The following PRDM2 variants were observed in gnomAD, a reference collection of about 807,000 sequenced individuals.
PRDM2 encodes PR/SET domain 2, also known as PR domain zinc finger protein 2.
PRDM2 carries 30 observed loss-of-function variants against 130.0 expected under a neutral mutation model. That is an observed-to-expected ratio of 0.23 (90% CI 0.17 to 0.31). The LOEUF is 0.31. PRDM2 is among the 10% of genes least tolerant of loss of function. PRDM2 has a pLI of 1.00. For synonymous variants in PRDM2, 871 were observed against 782.4 expected, an observed-to-expected ratio of 1.11 and a Z score of -1.89; for missense variants, 2,011 against 2,108.4, an observed-to-expected ratio of 0.95 and a Z score of 0.90.
In PRDM2 at chr1:13,749,440, A is replaced by T; in HGVS notation, c.464A>T (p.Glu155Val). The change falls in exon 6 of 10, where the codon GAG (glutamate) becomes GTG (valine). Residue 155 changes from glutamate to valine, a missense_variant. Transcript: ENST00000311066. ...GAGATAGCAGCTGCGATTGAGGAAG[A>T]GCGAGCCAGCGCCCGGAGCAAGCGG... ...NPEIAAAIEEERASARSKRSS... is the reference protein window; with the variant it reads ...NPEIAAAIEEVRASARSKRSS... 6.6e-7 allele frequency: 1 copy of T among 1,511,114 alleles called. No individual in the cohort carries two copies. The highest frequency in any genetic ancestry group is 8.9e-7 in the Non-Finnish European group (1 of 1,117,884). 93.6% of individuals were successfully genotyped at this position (1,511,114 alleles called of 1,614,324 possible). A position where few individuals can be genotyped will look rare whatever the true frequency, so the allele number is the denominator to read the frequency against.
Position 13,781,762 on chromosome 1 carries a change from C to A in PRDM2, c.3967C>A (p.His1323Asn). The A allele has an allele frequency of 6.2e-7, 1 of 1,614,198 alleles. No individual in the cohort carries two copies. Among genetic ancestry groups the A allele is most frequent in the East Asian group, 2.2e-5 (1 of 44,884 alleles). ...TGTGACAGCCACAAATTTCACTACA[C>A]ACAATATTCCACAGACTTTCACTAC... Reference protein sequence around the residue: ...IGVTATNFTTHNIPQTFTTAI... With the variant: ...IGVTATNFTTNNIPQTFTTAI... Residue 1323 changes from histidine (H) to asparagine (N), a missense_variant, in exon 8 of 10, where the codon CAC (histidine) becomes AAC (asparagine). His to Asn is a moderately conservative substitution (Grantham distance 68, BLOSUM62 1). Around this residue, in one of 5 missense-constraint regions of PRDM2, gnomAD observed 229 missense variants for 364.1 expected, o/e 0.63. Transcript: ENST00000311066. The surrounding 1 kb of genome is among the most constrained non-coding windows in gnomAD (Gnocchi z 6.1).
At chr1:13,768,334 T>TA (rs1644280390) in intron 6 of PRDM2, among the ~76,000 whole-genome samples, 1 of 151,768 alleles carries the variant, frequency 6.6e-6, no homozygotes. Context: ...CTGCCCACCT[T>TA]AGCCTCCCAA....
intron 6 of PRDM2, among the ~76,000 whole-genome samples, chr1:13,768,603 C>T (rs1557635528): frequency 1.3e-5 from 2 of 152,176 alleles, no homozygotes; most frequent in East Asian, 3.9e-4. Context: ...AGGCTGGTCT[C>T]GAACTCCTAA....
chr1:13,823,430 G>A lies in PRDM2; in HGVS notation c.*295G>A. On this transcript the variant is annotated 3_prime_UTR_variant, in exon 10 of 10. Coordinates refer to ENST00000311066, the MANE Select transcript of PRDM2 (RefSeq NM_001393986.1). Reference sequence around the variant, plus strand: ...GATGCAGCTCTTGGGACCGTGTTCTGCAGCCCAGCCTTCCTGTTGGGGTGG... The same window carrying A: ...GATGCAGCTCTTGGGACCGTGTTCTACAGCCCAGCCTTCCTGTTGGGGTGG... The A allele has an allele frequency of 3.7e-6, 2 of 547,868 alleles. No individual in the cohort carries two copies. The highest frequency in any genetic ancestry group is 4.9e-4 in the Middle Eastern group (1 of 2,050). The allele number at this position is 547,868 out of a possible 1,614,324, so 33.9% of individuals were successfully genotyped here. A position where few individuals can be genotyped will look rare whatever the true frequency, so the allele number is the denominator to read the frequency against.
intron 1 of PRDM2, among the ~76,000 whole-genome samples, chr1:13,709,388 A>G (rs1176417581): frequency 2.0e-5 from 3 of 152,244 alleles, no homozygotes; most frequent in Non-Finnish European, 4.4e-5. Flanking sequence ...GTAGTTTTCT[A>G]TGACAATGAA....
rs781228382 is a variant in PRDM2, at chr1:13,778,890, T to C, written c.1095T>C (p.Cys365=). 1.2e-5 allele frequency: 19 copies of C among 1,614,072 alleles called. No individual in the cohort carries two copies. In the African/African-American group the frequency reaches 1.7e-4, roughly 15 times the overall value. ...CGTTTATGTTTCCGTGTCAACATTG[T>C]GAAAGGAAGTTTACAACCAAACAGG... ...FETFMFPCQH[C]ERKFTTKQGL... The change falls in exon 8 of 10, where the codon TGT becomes TGC. Residue 365 remains cysteine (C), a synonymous_variant. Transcript: ENST00000311066.
chr1:13,757,596 AATGAAC>A (rs1172051633), intron 6 of PRDM2, among the ~76,000 whole-genome samples: 15 of 152,338 alleles, frequency 9.8e-5, no homozygotes, highest in African/African-American at 3.6e-4. Context: ...TTATATAGAC[AATGAAC>A]ATGCTTTTTA....
rs772686531 is a variant in PRDM2, at chr1:13,780,920, C to G, written c.3125C>G (p.Ser1042Cys). 5.6e-6 allele frequency: 9 copies of G among 1,613,264 alleles called. No individual in the cohort carries two copies. The highest frequency in any genetic ancestry group is 2.2e-5 in the East Asian group (1 of 44,860). Residue 1042 changes from serine (S) to cysteine (C), a missense_variant, in exon 8 of 10, where the codon TCT becomes TGT. Physicochemically the swap from Ser to Cys is moderately radical, Grantham distance 112. Coordinates refer to ENST00000311066, the MANE Select transcript of PRDM2 (RefSeq NM_001393986.1). ...SPIPPVEPLM[S>C]AASPGPPTLS... is the part of the protein sequence containing the mutation. The stretch of plus-strand genomic sequence containing the variant: ...ATTCCTCCCGTGGAGCCCCTGATGT[C>G]TGCCGCCTCACCCGGGCCTCCAACA...
At chr1:13,718,432 C>G (rs918372642) in intron 2 of PRDM2, among the ~76,000 whole-genome samples, 3 of 152,188 alleles carry the variant, frequency 2.0e-5, no homozygotes, top group Non-Finnish European at 4.4e-5. Context: ...GCAGTAGAGT[C>G]CACAGCCTGC....
chr1:13,703,019 G>GCACCAGCTATGCTGT (rs1553152366), intron 1 of PRDM2, among the ~76,000 whole-genome samples: 1 of 152,228 alleles, frequency 6.6e-6, no homozygotes, highest in Non-Finnish European at 1.5e-5. Flanking sequence ...TGTGCGCTGA[G>GCACCAGCTATGCTGT]CACCAGCTAT....
chr1:13,753,301 C>G (rs1643880830), intron 6 of PRDM2, among the ~76,000 whole-genome samples: 1 of 152,156 alleles, frequency 6.6e-6, no homozygotes, highest in African/African-American at 2.4e-5. Context: ...GAACAAGTTC[C>G]TTAAGGTCAG....
At chr1:13,791,325 A>G (rs1439116605) in intron 8 of PRDM2, among the ~76,000 whole-genome samples, 1 of 151,990 alleles carries the variant, frequency 6.6e-6, no homozygotes, top group South Asian at 2.1e-4. Flanking sequence ...ATAAACTTCT[A>G]CCCCCATCAC....
intron 2 of PRDM2, among the ~76,000 whole-genome samples, chr1:13,719,433 A>C (rs913861485): frequency 6.6e-6 from 1 of 152,176 alleles, no homozygotes; most frequent in South Asian, 2.1e-4. Context: ...TAGGGCCTTT[A>C]GGGCTACGGG....
rs1644612009 is a variant in PRDM2, at chr1:13,781,507, A to T, written c.3712A>T (p.Ser1238Cys). 6.2e-7 allele frequency: 1 copy of T among 1,613,042 alleles called. No individual in the cohort carries two copies. The stretch of plus-strand genomic sequence containing the variant: ...GAGGCCCCAGAACTTTACAGATCCC[A>T]GCAAGGCCCATGTAGAGCATATGCA... Reference protein sequence around the residue: ...TLRPQNFTDPSKAHVEHMQSL... With the variant: ...TLRPQNFTDPCKAHVEHMQSL... Residue 1238 changes from serine to cysteine, a missense_variant, in exon 8 of 10, where the codon AGC becomes TGC. By Grantham distance (112) the Ser-to-Cys change is moderately radical. Around this residue, in one of 5 missense-constraint regions of PRDM2, gnomAD observed 229 missense variants for 364.1 expected, o/e 0.63. Coordinates refer to ENST00000311066, the MANE Select transcript of PRDM2 (RefSeq NM_001393986.1). This position sits in a 1 kb window ranked among gnomAD's most constrained non-coding sequence, Gnocchi z 6.1.
At chr1:13,809,940 C>T (rs961766965) in intron 8 of PRDM2, among the ~76,000 whole-genome samples, 9 of 152,164 alleles carry the variant, frequency 5.9e-5, no homozygotes, top group Admixed American at 1.3e-4. Flanking sequence ...CTTCCTGGTT[C>T]ACAGACTGCC....
chr1:13,793,013 A>G (rs796708117), intron 8 of PRDM2, among the ~76,000 whole-genome samples: 7 of 152,346 alleles, frequency 4.6e-5, no homozygotes, highest in African/African-American at 1.7e-4. Context: ...TGGGTTTTAG[A>G]GAGACTTGCA....
At chr1:13,718,504 T>C (rs972003319) in intron 2 of PRDM2, among the ~76,000 whole-genome samples, 2 of 152,212 alleles carry the variant, frequency 1.3e-5, no homozygotes, top group Non-Finnish European at 2.9e-5. Context: ...GTTGTATCAG[T>C]GTGTTCCAAG....
chr1:13,711,248 A>G (rs1642362518), intron 1 of PRDM2, among the ~76,000 whole-genome samples: 1 of 152,238 alleles, frequency 6.6e-6, no homozygotes, highest in Non-Finnish European at 1.5e-5. Context: ...GGGTGTGTAA[A>G]GACAGGACTG....
intron 9 of PRDM2, among the ~76,000 whole-genome samples, chr1:13,818,222 T>C (rs937224092): frequency 6.6e-6 from 1 of 152,184 alleles, no homozygotes; most frequent in African/African-American, 2.4e-5. Context: ...AGGCAGTGGT[T>C]AAAACACCAA....
Sources: gnomAD v4.1 joint callset for allele counts (sites outside exome capture counted in the v4.1 genomes callset) on GRCh38, gnomAD v4.1.1 for gene constraint, gnomAD v4.1.1 regional missense constraint, Gnocchi (gnomAD v3.1) non-coding constraint, MANE v1.5 for transcripts, NCBI Gene and HGNC (gene_info 2026-07-23, HGNC 2026-07-21) for gene names.